Variants in ME3 observed in about 807,000 individuals in gnomAD.
ME3 encodes NADP-dependent malic enzyme, mitochondrial.
ME3 carries 48 observed loss-of-function variants against 68.9 expected under a neutral mutation model. That is an observed-to-expected ratio of 0.70 (90% CI 0.55 to 0.89). The LOEUF (loss-of-function observed/expected upper bound fraction) is 0.89. Among genes scored for constraint, ME3 ranks in the 40% least tolerant of loss-of-function variants. The probability of loss-of-function intolerance (pLI) is 0.00; values close to 1 mark genes in which losing one functional copy is unlikely to be tolerated. For missense variants in ME3, 675 were observed against 797.4 expected (o/e 0.85, Z 1.85); for synonymous variants, 320 against 318.8 (o/e 1.00, Z -0.04).
At chr11:86,656,227 G>C (rs1945858631) in intron 2 of ME3, among the ~76,000 whole-genome samples, 1 of 151,648 alleles carries the variant, frequency 6.6e-6, no homozygotes. Context: ...AATACCATTT[G>C]ACCCAGCCAT....
At chr11:86,625,178 C>T (rs899765404) in intron 2 of ME3, among the ~76,000 whole-genome samples, 10 of 152,146 alleles carry the variant, frequency 6.6e-5, no homozygotes, top group African/African-American at 2.4e-4. Flanking sequence ...ACCCCCATTG[C>T]CAAACTCCTC....
At chr11:86,660,224 G>A (rs1946186023) in intron 2 of ME3, among the ~76,000 whole-genome samples, 1 of 152,180 alleles carries the variant, frequency 6.6e-6, no homozygotes, top group African/African-American at 2.4e-5. Flanking sequence ...GTAGCCCATG[G>A]CCATCGAAAG....
Position 86,505,495 on chromosome 11 carries a change from C to T in ME3, c.543+3297G>A, listed in dbSNP as rs535101257. The stretch of plus-strand genomic sequence containing the variant: ...CTACAAATTCAAAATGTTGGAAAAC[C>T]ACTAAGAGCCAAATCAAATATGTTT... On this transcript the variant is annotated intron_variant, in intron 5 of 14. Transcript: ENST00000543262. 2.7e-4 allele frequency among the ~76,000 whole-genome samples: 41 copies of T among 152,260 alleles called. No homozygotes were observed. The South Asian group carries it at 7.3e-3, about 27-fold the overall frequency.
rs146470975 is a variant in ME3 at position 86,451,699 on chromosome 11, T to C, written c.920-1301A>G. 2.0e-5 allele frequency among the ~76,000 whole-genome samples: 3 copies of C among 152,342 alleles called. No individual in the cohort carries two copies. The East Asian group carries it at 5.8e-4, about 29-fold the overall frequency. The stretch of plus-strand genomic sequence containing the variant: ...AGAAATCTGTCCTAACTGGAGCAGA[T>C]ATACATTCTGGATATGGATTTCTTT... On this transcript the variant is annotated intron_variant, in intron 8 of 14. Coordinates refer to ENST00000543262, the Ensembl canonical transcript of ME3.
At chr11:86,465,952 C>T (rs937952775) in intron 7 of ME3, among the ~76,000 whole-genome samples, 3 of 152,120 alleles carry the variant, frequency 2.0e-5, no homozygotes, top group Non-Finnish European at 4.4e-5. Context: ...TTCTGACAGC[C>T]CAGAGAACCC....
At chr11:86,579,348 G>A (rs906282087) in intron 2 of ME3, among the ~76,000 whole-genome samples, 1 of 152,144 alleles carries the variant, frequency 6.6e-6, no homozygotes, top group African/African-American at 2.4e-5. Context: ...CACAGAGAAG[G>A]GAGATCAGGC....
At chr11:86,575,363 G>A (rs1264331103) in intron 2 of ME3, among the ~76,000 whole-genome samples, 1 of 147,098 alleles carries the variant, frequency 6.8e-6, no homozygotes, top group Non-Finnish European at 1.5e-5. Flanking sequence ...ACGAAAGGGA[G>A]TTATTTCTCT....
intron 2 of ME3, among the ~76,000 whole-genome samples, chr11:86,663,512 T>C (rs58554605): frequency 0.012 from 1,881 of 152,336 alleles, 46 homozygotes; most frequent in African/African-American, 0.043. Flanking sequence ...GGCAGTCGGA[T>C]ACCACCCCCA....
chr11:86,561,638 C>T (rs892972166), intron 2 of ME3, among the ~76,000 whole-genome samples: 2 of 152,218 alleles, frequency 1.3e-5, no homozygotes, highest in African/African-American at 4.8e-5. Context: ...CTTTGACCAT[C>T]TCCCATTTAT....
intron 2 of ME3, among the ~76,000 whole-genome samples, chr11:86,660,273 T>C (rs1946189105): frequency 6.6e-6 from 1 of 152,216 alleles, no homozygotes; most frequent in South Asian, 2.1e-4. Flanking sequence ...CCTTCCGGAC[T>C]GGATGCTTTC....
chr11:86,576,598 C>T (rs917517088), intron 2 of ME3, among the ~76,000 whole-genome samples: 1 of 152,176 alleles, frequency 6.6e-6, no homozygotes, highest in Admixed American at 6.5e-5. Context: ...CTTGTTGGTC[C>T]CATTTCCTTC....
chr11:86,519,717 A>G (rs1009379925), intron 4 of ME3, among the ~76,000 whole-genome samples: 1 of 152,248 alleles, frequency 6.6e-6, no homozygotes, highest in Non-Finnish European at 1.5e-5. Flanking sequence ...AGAGCTCAGT[A>G]GCAGTCTCCC....
intron 2 of ME3, among the ~76,000 whole-genome samples, chr11:86,579,649 G>C (rs1330000888): frequency 1.3e-5 from 2 of 152,188 alleles, no homozygotes; most frequent in African/African-American, 4.8e-5. Flanking sequence ...AATGTCCTTA[G>C]AATTTCCTGC....
rs1211488485 is a variant in ME3 at position 86,559,828 on chromosome 11, G to T, written c.184-5C>A. 6.2e-7 allele frequency: 1 copy of T among 1,612,674 alleles called. No homozygotes were observed. Among genetic ancestry groups the T allele is most frequent in the South Asian group, 1.1e-5 (1 of 90,892 alleles). ...TTCAAGGGTAAAGGCCATCCCCTGGGAAAAACAGGAAAAGAACACCCACAC... is the reference window on the plus strand; with the variant it reads ...TTCAAGGGTAAAGGCCATCCCCTGGTAAAAACAGGAAAAGAACACCCACAC... On this transcript the variant is annotated splice_polypyrimidine_tract_variant and splice_region_variant and intron_variant, in intron 2 of 14. Transcript: ENST00000543262.
At chr11:86,530,641 C>A (rs1487531697) in intron 4 of ME3, among the ~76,000 whole-genome samples, 3 of 152,064 alleles carry the variant, frequency 2.0e-5, no homozygotes, top group Non-Finnish European at 4.4e-5. Flanking sequence ...GTACTGGAAC[C>A]AAAACAGAGA....
At chr11:86,617,651 T>C (rs555890872) in intron 2 of ME3, among the ~76,000 whole-genome samples, 34 of 152,276 alleles carry the variant, frequency 2.2e-4, no homozygotes, top group African/African-American at 7.9e-4. Context: ...TTGTAGAGAA[T>C]TGAAAATGGT....
rs1353275138 is a variant in ME3, at chr11:86,522,109, G to A, written c.468-13242C>T. ...TACTAAAAATACAAAAATTAGCTGG[G>A]TGTGGTGGCACGCACCTGTAGTCCC... On this transcript the variant is annotated intron_variant, in intron 4 of 14. Transcript: ENST00000543262. Among the ~76,000 whole-genome samples the A allele has an allele frequency of 2.6e-5, 4 of 152,280 alleles. No individual in the cohort carries two copies. The South Asian group carries it at 8.3e-4, about 32-fold the overall frequency.
chr11:86,671,422 C>T (rs931703569), intron 2 of ME3, among the ~76,000 whole-genome samples: 4 of 152,270 alleles, frequency 2.6e-5, no homozygotes, highest in Non-Finnish European at 5.9e-5. Flanking sequence ...AACCTAGGCT[C>T]ATGTAGGTTA....
At chr11:86,650,702 C>T (rs1945347031) in intron 2 of ME3, among the ~76,000 whole-genome samples, 1 of 152,224 alleles carries the variant, frequency 6.6e-6, no homozygotes, top group Non-Finnish European at 1.5e-5. Flanking sequence ...GCATTTCCAA[C>T]TGAGGTACTG....
Sources: allele counts gnomAD v4.1 joint callset (sites outside exome capture counted in the v4.1 genomes callset), GRCh38; gene constraint gnomAD v4.1.1; transcripts MANE v1.5; gene names NCBI Gene and HGNC (gene_info 2026-07-23, HGNC 2026-07-21).